FAM171A1: variants seen among roughly 807,000 people sequenced by gnomAD.
The protein encoded by FAM171A1 is protein FAM171A1.
A neutral mutation model predicts 74.9 loss-of-function variants in FAM171A1; 23 were observed. That is an observed-to-expected ratio of 0.31 (90% CI 0.22 to 0.44). The LOEUF (loss-of-function observed/expected upper bound fraction) is 0.44. Among genes scored for constraint, FAM171A1 ranks in the 20% least tolerant of loss-of-function variants. FAM171A1 has a pLI of 1.00. For missense variants in FAM171A1, 1,162 were observed against 1,159.2 expected, an observed-to-expected ratio of 1.00 and a Z score of -0.03; for synonymous variants, 527 against 505.7, an observed-to-expected ratio of 1.04 and a Z score of -0.57.
In FAM171A1 at chr10:15,217,841, C is replaced by T. The variant is rs558254102; in HGVS notation, c.872-1731G>A. Among the ~76,000 whole-genome samples the T allele has an allele frequency of 4.3e-3, 656 of 151,970 alleles. 5 individuals are homozygous for T. Among genetic ancestry groups the T allele is most frequent in the South Asian group, 0.022 (104 of 4,792 alleles). On this transcript the variant is annotated intron_variant, in intron 6 of 7. Coordinates refer to ENST00000378116, the MANE Select transcript of FAM171A1 (RefSeq NM_001010924.2). The stretch of plus-strand genomic sequence containing the variant: ...AGAGATGGGGTTTCACCATCTTGGC[C>T]AGGCTGGTCTTGAACTCCTGACCTC...
At chr10:15,255,012 C>T (rs1834561346) in intron 3 of FAM171A1, 133 bp from the exon 4 acceptor site, 2 of 689,896 alleles carry the variant, frequency 2.9e-6, no homozygotes, top group Admixed American at 2.8e-5. Flanking sequence ...GGCCTCCCTT[C>T]CCCCATTCAT....
intron 1 of FAM171A1, among the ~76,000 whole-genome samples, chr10:15,315,278 C>T (rs754628149): frequency 1.5e-4 from 23 of 152,226 alleles, no homozygotes; most frequent in Non-Finnish European, 2.6e-4. Context: ...CTGTGATGGG[C>T]GCAAGCTGTC....
chr10:15,276,449 G>C (rs1273290580), intron 2 of FAM171A1, among the ~76,000 whole-genome samples: 1 of 152,218 alleles, frequency 6.6e-6, no homozygotes, highest in Non-Finnish European at 1.5e-5. Context: ...AAAGTGTTGG[G>C]ATTACAGGCG....
chr10:15,326,229 T>C (rs1464335070), intron 1 of FAM171A1, among the ~76,000 whole-genome samples: 1 of 152,182 alleles, frequency 6.6e-6, no homozygotes, highest in East Asian at 1.9e-4. Context: ...CATAGATCGT[T>C]TGGTGAAGTA....
chr10:15,330,132 A>T (rs1835610326), intron 1 of FAM171A1, among the ~76,000 whole-genome samples: 1 of 152,180 alleles, frequency 6.6e-6, no homozygotes, highest in African/African-American at 2.4e-5. Context: ...ACTTGAAGTC[A>T]GGAGTTCGAG....
At chr10:15,253,505 T>C (rs1010177347) in intron 4 of FAM171A1, among the ~76,000 whole-genome samples, 47 of 152,282 alleles carry the variant, frequency 3.1e-4, no homozygotes, top group Admixed American at 7.2e-4. Context: ...AAGAAACGTT[T>C]TGGAAAACAG....
chr10:15,213,170 A>G lies in FAM171A1; in HGVS notation c.2418T>C (p.Cys806=), dbSNP rs1483205508. ...QSGSECGTTV[C]TPEDSALRCL... is the part of the protein sequence containing the mutation. ...ATCGCAGGGCACTGTCCTCGGGGGT[A>G]CAGACCGTGGTCCCACATTCGCTAC... is the stretch of plus-strand genomic sequence containing the variant. Residue 806 remains cysteine, a synonymous_variant, in exon 8 of 8, where the codon TGT becomes TGC. Transcript: ENST00000378116. This position sits in a 1 kb window ranked among gnomAD's most constrained non-coding sequence, Gnocchi z 6.8. The G allele has an allele frequency of 6.2e-7, 1 of 1,614,106 alleles. No individual in the cohort carries two copies. The highest frequency in any genetic ancestry group is 8.5e-7 in the Non-Finnish European group (1 of 1,180,020).
intron 1 of FAM171A1, among the ~76,000 whole-genome samples, chr10:15,343,026 G>C (rs139623855): frequency 2.0e-5 from 3 of 152,160 alleles, no homozygotes; most frequent in African/African-American, 7.2e-5. Context: ...GGCTGCAGCC[G>C]AGTGGGTCCC....
At chr10:15,357,509 T>C (rs995028420) in intron 1 of FAM171A1, among the ~76,000 whole-genome samples, 2 of 152,316 alleles carry the variant, frequency 1.3e-5, no homozygotes, top group African/African-American at 4.8e-5. Context: ...CTTTCTGGAA[T>C]GATGGAAATA....
At chr10:15,275,448 G>A (rs1834881092) in intron 3 of FAM171A1, among the ~76,000 whole-genome samples, 1 of 151,532 alleles carries the variant, frequency 6.6e-6, no homozygotes, top group Non-Finnish European at 1.5e-5. Flanking sequence ...CACCATGCCT[G>A]GCTAAATATT....
chr10:15,312,989 C>T (rs1409404151), intron 1 of FAM171A1, among the ~76,000 whole-genome samples: 4 of 152,056 alleles, frequency 2.6e-5, no homozygotes, highest in African/African-American at 9.7e-5. Context: ...GCCACCGTGC[C>T]CGGCCTTGCA....
chr10:15,369,234 T>TA (rs1836104170), intron 1 of FAM171A1, among the ~76,000 whole-genome samples: 1 of 148,186 alleles, frequency 6.7e-6, no homozygotes, highest in African/African-American at 2.5e-5. Context: ...ATATATATAT[T>TA]GAAGACATGC....
At chr10:15,252,426 G>A (rs1038734315) in intron 4 of FAM171A1, among the ~76,000 whole-genome samples, 5 of 152,172 alleles carry the variant, frequency 3.3e-5, no homozygotes, top group African/African-American at 1.2e-4. Context: ...AGATGAACTT[G>A]TGTCATCTTC....
intron 1 of FAM171A1, among the ~76,000 whole-genome samples, chr10:15,351,231 T>C (rs1306220378): frequency 1.3e-5 from 2 of 152,200 alleles, no homozygotes; most frequent in African/African-American, 2.4e-5. Flanking sequence ...TGAACTATGC[T>C]TTGTGAGCCC....
intron 2 of FAM171A1, among the ~76,000 whole-genome samples, chr10:15,281,961 C>T (rs1834976069): frequency 6.6e-6 from 1 of 152,176 alleles, no homozygotes; most frequent in Non-Finnish European, 1.5e-5. Flanking sequence ...AGTAGCTGCT[C>T]ATTATTCACC....
intron 1 of FAM171A1, among the ~76,000 whole-genome samples, chr10:15,299,719 C>G (rs145952115): frequency 0.078 from 11,908 of 151,990 alleles, 503 homozygotes; most frequent in Middle Eastern, 0.11. Flanking sequence ...GTGGCTCATG[C>G]CTCTAATCCC....
chr10:15,277,334 C>T (rs1397607567), intron 2 of FAM171A1, among the ~76,000 whole-genome samples: 1 of 152,148 alleles, frequency 6.6e-6, no homozygotes, highest in Non-Finnish European at 1.5e-5. Context: ...TCTCCTGCCT[C>T]AGCCTCCCGA....
intron 3 of FAM171A1, among the ~76,000 whole-genome samples, chr10:15,255,210 T>C (rs552794211): frequency 1.3e-5 from 2 of 152,338 alleles, no homozygotes; most frequent in South Asian, 4.1e-4. Flanking sequence ...GGAAACTCCA[T>C]GTAAATGAAA....
chr10:15,357,309 A>C (rs755869249), intron 1 of FAM171A1, among the ~76,000 whole-genome samples: 5 of 152,172 alleles, frequency 3.3e-5, no homozygotes, highest in Non-Finnish European at 7.4e-5. Context: ...TAAATAAACA[A>C]ACCAAAAATA....
Sources: gnomAD v4.1 joint callset for allele counts (sites outside exome capture counted in the v4.1 genomes callset) on GRCh38, gnomAD v4.1.1 for gene constraint, Gnocchi (gnomAD v3.1) non-coding constraint, MANE v1.5 for transcripts, NCBI Gene and HGNC (gene_info 2026-07-23, HGNC 2026-07-21) for gene names.